Variants in RAB27B observed in about 807,000 individuals in gnomAD.
RAB27B encodes ras-related protein Rab-27B.
A neutral mutation model predicts 24.6 loss-of-function variants in RAB27B; 15 were observed. The observed-to-expected ratio is 0.61, with a 90% CI of 0.41 to 0.94. The LOEUF (loss-of-function observed/expected upper bound fraction) is 0.94. Among genes scored for constraint, RAB27B ranks in the 40% least tolerant of loss-of-function variants. The pLI is 0.00. For missense variants in RAB27B, 261 were observed against 266.8 expected (o/e 0.98, Z 0.15); for synonymous variants, 105 against 92.5 (o/e 1.14, Z -0.78).
intron 2 of RAB27B, among the ~76,000 whole-genome samples, chr18:54,805,961 G>A (rs1909779115): frequency 1.3e-5 from 2 of 152,150 alleles, no homozygotes; most frequent in African/African-American, 4.8e-5. Context: ...CCCAATTCAT[G>A]TGAAACCATG....
intron 2 of RAB27B, among the ~76,000 whole-genome samples, chr18:54,818,465 A>G (rs567331446): frequency 6.6e-6 from 1 of 152,028 alleles, no homozygotes; most frequent in East Asian, 1.9e-4. Context: ...ATGAAGTTCC[A>G]TATTTTTTTT....
chr18:54,803,131 A>G (rs909644017), intron 2 of RAB27B, among the ~76,000 whole-genome samples: 6 of 152,194 alleles, frequency 3.9e-5, no homozygotes, highest in Non-Finnish European at 8.8e-5. Flanking sequence ...GCAAGGAAAA[A>G]AATAAATAGC....
upstream of RAB27B, among the ~76,000 whole-genome samples, chr18:54,827,403 A>C (rs1910510349): frequency 6.6e-6 from 1 of 152,268 alleles, no homozygotes; most frequent in African/African-American, 2.4e-5. Context: ...ATTGAAGGAC[A>C]TAAAATAGAA....
chr18:54,736,575 A>G (rs1909901131), intron 2 of RAB27B, among the ~76,000 whole-genome samples: 1 of 152,178 alleles, frequency 6.6e-6, no homozygotes, highest in Non-Finnish European at 1.5e-5. Flanking sequence ...AAGATAGAAA[A>G]TGAATAACTA....
At chr18:54,803,779 G>T (rs114468426) in intron 2 of RAB27B, among the ~76,000 whole-genome samples, 181 of 152,266 alleles carry the variant, frequency 1.2e-3, no homozygotes, top group African/African-American at 4.0e-3. Flanking sequence ...TTAAGCAACT[G>T]GGGGGATGAT....
At chr18:54,772,007 A>G (rs1189274288) in intron 2 of RAB27B, among the ~76,000 whole-genome samples, 1 of 152,184 alleles carries the variant, frequency 6.6e-6, no homozygotes, top group East Asian at 1.9e-4. Flanking sequence ...ACACACATTC[A>G]ACCTACACAA....
At chr18:54,752,852 C>T (rs1397806418) in intron 2 of RAB27B, among the ~76,000 whole-genome samples, 1 of 152,096 alleles carries the variant, frequency 6.6e-6, no homozygotes, top group Non-Finnish European at 1.5e-5. Context: ...GCCCCTTTTT[C>T]CAAGCTATCC....
intron 2 of RAB27B, among the ~76,000 whole-genome samples, chr18:54,736,657 G>A (rs1395222565): frequency 6.6e-6 from 1 of 152,154 alleles, no homozygotes; most frequent in African/African-American, 2.4e-5. Context: ...GGAGGATGCA[G>A]TCAAGAAAGT....
intron 2 of RAB27B, among the ~76,000 whole-genome samples, chr18:54,785,437 T>G (rs972766295): frequency 2.8e-4 from 1 of 3,554 alleles, no homozygotes; most frequent in African/African-American, 3.6e-4. Flanking sequence ...CTTCCTCAGG[T>G]TTTTTTTTTT....
chr18:54,732,396 C>G (rs927170914), intron 2 of RAB27B, among the ~76,000 whole-genome samples: 1 of 152,128 alleles, frequency 6.6e-6, no homozygotes, highest in South Asian at 2.1e-4. Context: ...TTGAAAGAGA[C>G]ATTTGAAATC....
chr18:54,795,168 C>T (rs537830237), intron 2 of RAB27B, among the ~76,000 whole-genome samples: 5 of 152,324 alleles, frequency 3.3e-5, no homozygotes, highest in Non-Finnish European at 5.9e-5. Flanking sequence ...TCCACTGTCA[C>T]ATGCCTGAGG....
At chr18:54,789,752 G>C (rs1439082080) in intron 2 of RAB27B, among the ~76,000 whole-genome samples, 2 of 152,032 alleles carry the variant, frequency 1.3e-5, no homozygotes, top group Non-Finnish European at 2.9e-5. Context: ...ACAAGGACTG[G>C]TTATGTTAAA....
chr18:54,757,387 C>A (rs1908039613), intron 2 of RAB27B, among the ~76,000 whole-genome samples: 1 of 152,104 alleles, frequency 6.6e-6, no homozygotes, highest in South Asian at 2.1e-4. Context: ...TGTTGGACAT[C>A]AATTAGAAGA....
intron 2 of RAB27B, among the ~76,000 whole-genome samples, chr18:54,755,527 T>C (rs764391980): frequency 2.4e-4 from 37 of 152,178 alleles, no homozygotes; most frequent in Non-Finnish European, 4.6e-4. Flanking sequence ...GACAATGTAA[T>C]CCTCACAATT....
intron 2 of RAB27B, among the ~76,000 whole-genome samples, chr18:54,729,065 A>C (rs1473208384): frequency 1.3e-5 from 2 of 151,978 alleles, no homozygotes; most frequent in African/African-American, 2.4e-5. Context: ...AAAAACAAAA[A>C]GCATAACATT....
Position 54,864,359 on chromosome 18 carries a change from T to G in RAB27B, c.-19-13208T>G, listed in dbSNP as rs1912127115. ...TTTTAAAGTTTGGTTATTTGTCTTT[T>G]TATCAAGCTATAAGAGTTCTTTATG... On this transcript the variant is annotated intron_variant, in intron 1 of 5. Coordinates refer to ENST00000262094, the MANE Select transcript of RAB27B (RefSeq NM_004163.4). 2.0e-5 allele frequency among the ~76,000 whole-genome samples: 3 copies of G among 152,226 alleles called. No homozygotes were observed. In the South Asian group the frequency reaches 6.2e-4, roughly 32 times the overall value.
intron 2 of RAB27B, among the ~76,000 whole-genome samples, chr18:54,797,760 A>G (rs1909471873): frequency 6.6e-6 from 1 of 152,198 alleles, no homozygotes; most frequent in Non-Finnish European, 1.5e-5. Flanking sequence ...GGTCTGGGTC[A>G]TTTCTGTAAA....
rs183429537 is a variant in RAB27B at position 54,748,000 on chromosome 18, G to A, written c.-20+29859G>A. 4.0e-3 allele frequency among the ~76,000 whole-genome samples: 605 copies of A among 152,092 alleles called. 8 individuals are homozygous for A. Among genetic ancestry groups the A allele is most frequent in the African/African-American group, 0.014 (566 of 41,490 alleles). On this transcript the variant is annotated intron_variant, in intron 2 of 4. Transcript: ENST00000586570. ...ATGTTGCTGTTGTCCCAACTACCTG[G>A]GAGGCTAGGGTGGGAGGATGACTTG...
chr18:54,795,557 GC>G (rs1172110893), intron 2 of RAB27B, among the ~76,000 whole-genome samples: 1 of 152,180 alleles, frequency 6.6e-6, no homozygotes, highest in African/African-American at 2.4e-5. Context: ...TGGTTAGGAA[GC>G]AATCATGATG....
Sources: gnomAD v4.1 joint callset for allele counts (sites outside exome capture counted in the v4.1 genomes callset) on GRCh38, gnomAD v4.1.1 for gene constraint, MANE v1.5 for transcripts, NCBI Gene and HGNC (gene_info 2026-07-23, HGNC 2026-07-21) for gene names.